HOXD10: variants seen among roughly 807,000 people sequenced by gnomAD.
HOXD10 encodes homeobox D10, also known as homeobox protein Hox-D10.
A neutral mutation model predicts 27.0 loss-of-function variants in HOXD10; 15 were observed. The observed-to-expected ratio is 0.56, with a 90% CI of 0.37 to 0.85. HOXD10 has a LOEUF of 0.85. HOXD10 is among the 40% of genes least tolerant of loss of function. HOXD10 has a pLI of 0.00. For missense variants in HOXD10, 440 were observed against 430.4 expected (o/e 1.02, Z -0.20); for synonymous variants, 178 against 160.9 (o/e 1.11, Z -0.80).
chr2:176,116,882 T>G lies in HOXD10; in HGVS notation c.49T>G (p.Ser17Ala). 1 of 1,614,160 alleles carries G rather than the reference T, an allele frequency of 6.2e-7. No homozygotes were observed. Among genetic ancestry groups the G allele is most frequent in the Non-Finnish European group, 8.5e-7 (1 of 1,179,980 alleles). ...TGCTGCTAATACTTTTTTAGTAGAT[T>G]CCTTGATCAGTGCCTGCAGGAGTGA... ...SPAANTFLVDSLISACRSDSF... is the reference protein window; with the variant it reads ...SPAANTFLVDALISACRSDSF... Residue 17 changes from serine (S) to alanine (A), a missense_variant, in exon 1 of 2, where the codon TCC becomes GCC. Coordinates refer to ENST00000249501, the MANE Select transcript of HOXD10 (RefSeq NM_002148.4).
At chr2:176,118,354 A>C in intron 1 of HOXD10, among the ~76,000 whole-genome samples, 1 of 152,176 alleles carries the variant, frequency 6.6e-6, no homozygotes, top group East Asian at 1.9e-4. Flanking sequence ...AAGACATGAA[A>C]ATTAAGGAAA....
chr2:176,119,173 A>G lies in HOXD10; in HGVS notation c.965A>G (p.Lys322Arg). ...TTTCAAAACCGCCGAATGAAACTCA[A>G]GAAGATGAGCCGAGAGAACCGGATC... ...IWFQNRRMKL[K>R]KMSRENRIRE... Residue 322 changes from lysine (K) to arginine (R), a missense_variant, in exon 2 of 2, where the codon AAG (lysine) becomes AGG (arginine). Coordinates refer to ENST00000249501, the MANE Select transcript of HOXD10 (RefSeq NM_002148.4). The G allele has an allele frequency of 6.2e-7, 1 of 1,614,018 alleles. No homozygotes were observed. The highest frequency in any genetic ancestry group is 8.5e-7 in the Non-Finnish European group (1 of 1,180,002).
intron 1 of HOXD10, among the ~76,000 whole-genome samples, chr2:176,118,707 A>G (rs1689806650): frequency 1.3e-5 from 2 of 152,230 alleles, no homozygotes; most frequent in Admixed American, 1.3e-4. Context: ...CCATCATGTC[A>G]TTTAAGTAAT....
rs558548040 is a variant in HOXD10 at position 176,117,191 on chromosome 2, C to T, written c.358C>T (p.Arg120Cys). The T allele has an allele frequency of 4.3e-6, 7 of 1,613,644 alleles. No homozygotes were observed. The highest frequency in any genetic ancestry group is 3.3e-5 in the Admixed American group (2 of 59,996). Residue 120 changes from arginine (R) to cysteine (C), a missense_variant, in exon 1 of 2, where the codon CGC becomes TGC. Physicochemically the swap from Arg to Cys is radical, Grantham distance 180. Coordinates refer to ENST00000249501, the MANE Select transcript of HOXD10 (RefSeq NM_002148.4). ...CAATTGCTGCATGTATTCTGATAAG[C>T]GCAACAAACTCATTTCGGCCGAGGT... The part of the protein sequence containing the change: ...ESNCCMYSDK[R>C]NKLISAEVPS...
Position 176,119,246 on chromosome 2 carries a change from T to TGAGGCCGGTCA in HOXD10, c.*22_*32dup, listed in dbSNP as rs1559118479. ...CGTTTTCTTAGGTCTGAGGCCGGTCTGAGGCCGGTCAGAGGCCAGGATTGG... is the reference window on the plus strand; with the variant it reads ...CGTTTTCTTAGGTCTGAGGCCGGTCTGAGGCCGGTCAGAGGCCGGTCAGAGGCCAGGATTGG... On this transcript the variant is annotated 3_prime_UTR_variant, in exon 2 of 2. Coordinates refer to ENST00000249501, the MANE Select transcript of HOXD10 (RefSeq NM_002148.4). 1.2e-6 allele frequency: 2 copies of TGAGGCCGGTCA among 1,611,766 alleles called. No individual in the cohort carries two copies. The highest frequency in any genetic ancestry group is 1.7e-5 in the Admixed American group (1 of 59,948).
At position 176,116,964 on chromosome 2, in the gene HOXD10, G is replaced by C. The variant is rs144658174; in HGVS notation, c.131G>C (p.Gly44Ala). 66 of 1,614,124 alleles carry C rather than the reference G, an allele frequency of 4.1e-5. No homozygotes were observed. In the African/African-American group the frequency reaches 8.4e-4, roughly 21 times the overall value. The change falls in exon 1 of 2, where the codon GGG becomes GCG. Residue 44 changes from glycine to alanine, a missense_variant. Transcript: ENST00000249501. Reference sequence around the variant, plus strand: ...ATGCCACCACCTAGCGCAGACATGGGGACCTATGGAATGCAAACCTGTGGA... The same window carrying C: ...ATGCCACCACCTAGCGCAGACATGGCGACCTATGGAATGCAAACCTGTGGA... ...MYMPPPSADMGTYGMQTCGLL... is the reference protein window; with the variant it reads ...MYMPPPSADMATYGMQTCGLL...
rs71409068 is a variant in HOXD10 at position 176,119,435 on chromosome 2, G to GTATGTATATATATATA, written c.*207_*208insGTATATATATATATAT. 5.2e-4 allele frequency: 92 copies of GTATGTATATATATATA among 178,026 alleles called. 1 individual carries two copies. The highest frequency in any genetic ancestry group is 3.9e-3 in the African/African-American group (85 of 21,520). The allele number at this position is 178,026 out of a possible 1,614,324, so 11.0% of individuals were successfully genotyped here. A position where few individuals can be genotyped will look rare whatever the true frequency, so the allele number is the denominator to read the frequency against. On this transcript the variant is annotated 3_prime_UTR_variant, in exon 2 of 2. Coordinates refer to ENST00000249501, the MANE Select transcript of HOXD10 (RefSeq NM_002148.4). ...TGCAAGTGATCTGTAATCCCTATGA[G>GTATGTATATATATATA]TATATATATATATATATATATATAT... is the stretch of plus-strand genomic sequence containing the variant.
At chr2:176,118,397 G>C (rs144306150) in intron 1 of HOXD10, among the ~76,000 whole-genome samples, 7 of 152,182 alleles carry the variant, frequency 4.6e-5, no homozygotes, top group Non-Finnish European at 8.8e-5. Flanking sequence ...CAGGCAAGGT[G>C]GGGGAAGGTG....
intron 1 of HOXD10, among the ~76,000 whole-genome samples, chr2:176,118,649 G>A (rs2105394836): frequency 6.6e-6 from 1 of 152,310 alleles, no homozygotes; most frequent in East Asian, 1.9e-4. Flanking sequence ...TTTTGTACAA[G>A]TGAGAAAGTT....
At chr2:176,118,045 G>C (rs772217696) in intron 1 of HOXD10, among the ~76,000 whole-genome samples, 2 of 152,224 alleles carry the variant, frequency 1.3e-5, no homozygotes, top group Non-Finnish European at 2.9e-5. Flanking sequence ...AGATGGCTGG[G>C]CTGGTTGGTG....
In HOXD10 at chr2:176,119,295, C is replaced by T. The variant is rs1689825217; in HGVS notation, c.*64C>T. 1.3e-6 allele frequency: 2 copies of T among 1,537,568 alleles called. No individual in the cohort carries two copies. Among genetic ancestry groups the T allele is most frequent in the Admixed American group, 3.5e-5 (2 of 57,346 alleles). On this transcript the variant is annotated 3_prime_UTR_variant, in exon 2 of 2. Transcript: ENST00000249501. ...GGAGAGGGGGCACCGCGTTCCAGGG[C>T]CCAGTGCTGGAGGACTGGGAAAGCG...
At chr2:176,118,145 C>A (rs1342740694) in intron 1 of HOXD10, among the ~76,000 whole-genome samples, 1 of 152,296 alleles carries the variant, frequency 6.6e-6, no homozygotes, top group East Asian at 1.9e-4. Context: ...TGCAATCCGT[C>A]GGCAAAGAGG....
At chr2:176,118,061 G>T (rs921295882) in intron 1 of HOXD10, among the ~76,000 whole-genome samples, 1 of 152,242 alleles carries the variant, frequency 6.6e-6, no homozygotes, top group African/African-American at 2.4e-5. Context: ...TGGTGCTTGA[G>T]TTGGGAAACA....
chr2:176,117,421 G>A lies in HOXD10; in HGVS notation c.588G>A (p.Gln196=). The A allele has an allele frequency of 6.2e-7, 1 of 1,613,358 alleles. No homozygotes were observed. The highest frequency in any genetic ancestry group is 8.5e-7 in the Non-Finnish European group (1 of 1,180,034). Reference sequence around the variant, plus strand: ...CGCAGCTCTCCGCTGCCCAGCTGCAGATGGAAAAGAAGATGAACGAGCCCG... The same window carrying A: ...CGCAGCTCTCCGCTGCCCAGCTGCAAATGGAAAAGAAGATGAACGAGCCCG... ...AKPQLSAAQL[Q]MEKKMNEPVS... Residue 196 remains glutamine (Q), a synonymous_variant, in exon 1 of 2, where the codon CAG becomes CAA. Coordinates refer to ENST00000249501, the MANE Select transcript of HOXD10 (RefSeq NM_002148.4).
Position 176,117,683 on chromosome 2 carries a change from G to T in HOXD10, c.745+105G>T, listed in dbSNP as rs1689785464. 7 of 1,297,938 alleles carry T rather than the reference G, an allele frequency of 5.4e-6. No individual in the cohort carries two copies. In the South Asian group the frequency reaches 8.4e-5, roughly 16 times the overall value. 80.4% of individuals were successfully genotyped at this position (1,297,938 alleles called of 1,614,324 possible). A position where few individuals can be genotyped will look rare whatever the true frequency, so the allele number is the denominator to read the frequency against. ...CGCCGAGCCGGAGCCCGACTTGGCA[G>T]GTGCTGCTCCGCCTGGTTTTAGAGG... On this transcript the variant is annotated intron_variant, in intron 1 of 1. Transcript: ENST00000249501.
In HOXD10 at chr2:176,117,030, A is replaced by T; in HGVS notation, c.197A>T (p.Asn66Ile). ...SLAKREVNHQ[N>I]MGMNVHPYIP... is the part of the protein sequence containing the mutation. ...GCCAAAAGAGAAGTGAACCACCAAAATATGGGTATGAATGTGCATCCTTAT... is the reference window on the plus strand; with the variant it reads ...GCCAAAAGAGAAGTGAACCACCAAATTATGGGTATGAATGTGCATCCTTAT... Residue 66 changes from asparagine (N) to isoleucine (I), a missense_variant, in exon 1 of 2, where the codon AAT becomes ATT. Transcript: ENST00000249501. 6.2e-7 allele frequency: 1 copy of T among 1,614,164 alleles called. No individual in the cohort carries two copies. Among genetic ancestry groups the T allele is most frequent in the South Asian group, 1.1e-5 (1 of 91,074 alleles).
chr2:176,117,940 G>A (rs1331967669), intron 1 of HOXD10, among the ~76,000 whole-genome samples: 2 of 152,238 alleles, frequency 1.3e-5, no homozygotes, highest in Non-Finnish European at 2.9e-5. Context: ...TTTGCCTTGA[G>A]CCCAATGATC....
At position 176,119,325 on chromosome 2, in the gene HOXD10, CA is replaced by C; in HGVS notation, c.*98del. The stretch of plus-strand genomic sequence containing the variant: ...TGCTGGAGGACTGGGAAAGCGGAAA[CA>C]AAACCTTCACCGCTCTTTGTTTGTT... On this transcript the variant is annotated 3_prime_UTR_variant, in exon 2 of 2. Transcript: ENST00000249501. The C allele has an allele frequency of 1.6e-6, 2 of 1,264,612 alleles. No homozygotes were observed. Among genetic ancestry groups the C allele is most frequent in the Admixed American group, 2.0e-5 (1 of 51,122 alleles). The allele number at this position is 1,264,612 out of a possible 1,614,324, so 78.3% of individuals were successfully genotyped here. A position where few individuals can be genotyped will look rare whatever the true frequency, so the allele number is the denominator to read the frequency against.
Position 176,116,940 on chromosome 2 carries a change from T to C in HOXD10, c.107T>C (p.Met36Thr). The change falls in exon 1 of 2, where the codon ATG (methionine) becomes ACG (threonine). Residue 36 changes from methionine to threonine, a missense_variant. Transcript: ENST00000249501. ...TATTCCAGCAGCGCCAGCATGTACA[T>C]GCCACCACCTAGCGCAGACATGGGG... ...SFYSSSASMY[M>T]PPPSADMGTY... The C allele has an allele frequency of 1.2e-6, 2 of 1,614,172 alleles. No homozygotes were observed. Among genetic ancestry groups the C allele is most frequent in the East Asian group, 4.5e-5 (2 of 44,876 alleles).
Sources: allele counts gnomAD v4.1 joint callset (sites outside exome capture counted in the v4.1 genomes callset), GRCh38; gene constraint gnomAD v4.1.1; transcripts MANE v1.5; gene names NCBI Gene and HGNC (gene_info 2026-07-23, HGNC 2026-07-21).